Variants in RHPN2 observed in about 807,000 individuals in gnomAD.
The protein encoded by RHPN2 is rhophilin-2.
RHPN2 carries 40 observed loss-of-function variants against 79.0 expected under a neutral mutation model. The observed-to-expected ratio is 0.51, with a 90% CI of 0.39 to 0.66. The LOEUF is 0.66. Among genes scored for constraint, RHPN2 ranks in the 30% least tolerant of loss-of-function variants. RHPN2 has a pLI of 0.00. For missense variants in RHPN2, 686 were observed against 883.5 expected, an observed-to-expected ratio of 0.78 and a Z score of 2.83; for synonymous variants, 285 against 363.5, an observed-to-expected ratio of 0.78 and a Z score of 2.46.
intron 1 of RHPN2, among the ~76,000 whole-genome samples, chr19:33,054,980 G>A (rs1014980840): frequency 2.6e-5 from 4 of 152,092 alleles, no homozygotes; most frequent in Non-Finnish European, 4.4e-5. Flanking sequence ...GCAGACCCTC[G>A]GGGCTGATGG....
intron 1 of RHPN2, among the ~76,000 whole-genome samples, chr19:33,045,480 A>AT (rs1006598288): frequency 4.7e-4 from 67 of 142,874 alleles, no homozygotes; most frequent in African/African-American, 1.1e-3. Context: ...GTGCTATCTG[A>AT]TTTTTTTTTT....
At chr19:33,025,326 A>C (rs2145249227) in intron 3 of RHPN2, among the ~76,000 whole-genome samples, 1 of 150,970 alleles carries the variant, frequency 6.6e-6, no homozygotes, top group African/African-American at 2.4e-5. Flanking sequence ...AAAAAAAAAA[A>C]AAACAATTAG....
chr19:33,023,978 C>T (rs907691133), intron 3 of RHPN2, among the ~76,000 whole-genome samples: 5 of 152,082 alleles, frequency 3.3e-5, no homozygotes, highest in African/African-American at 1.2e-4. Flanking sequence ...CCCTGCTCTT[C>T]GGCATGGCAA....
At chr19:33,023,173 G>A (rs11084695) in intron 3 of RHPN2, among the ~76,000 whole-genome samples, 48,302 of 151,950 alleles carry the variant, frequency 0.32, 8,566 homozygotes, top group African/African-American at 0.46. Context: ...AGTGGCTCAC[G>A]CCCATAATCC....
intron 14 of RHPN2, among the ~76,000 whole-genome samples, chr19:32,980,791 C>T (rs564808501): frequency 1.3e-5 from 2 of 152,198 alleles, no homozygotes; most frequent in Admixed American, 1.3e-4. Flanking sequence ...GTAGCTGGGG[C>T]TCTAGGTGTG....
intron 7 of RHPN2, among the ~76,000 whole-genome samples, chr19:33,003,424 C>T (rs1337716167): frequency 8.3e-6 from 1 of 120,702 alleles, no homozygotes; most frequent in Admixed American, 8.1e-5. Flanking sequence ...TGTCCTACAA[C>T]ATATTAAAAA....
At chr19:33,056,167 C>T (rs1466362571) in intron 1 of RHPN2, among the ~76,000 whole-genome samples, 3 of 138,790 alleles carry the variant, frequency 2.2e-5, no homozygotes, top group Non-Finnish European at 4.5e-5. Context: ...GGCTGGAGTG[C>T]AATGGCGTGA....
intron 10 of RHPN2, among the ~76,000 whole-genome samples, chr19:32,997,406 T>C (rs187308520): frequency 2.1e-3 from 316 of 152,076 alleles, no homozygotes; most frequent in African/African-American, 7.5e-3. Flanking sequence ...GATGAGGTTA[T>C]AGGGAAAAAT....
At chr19:33,036,132 A>T (rs917856285) in intron 2 of RHPN2, among the ~76,000 whole-genome samples, 138 of 149,048 alleles carry the variant, frequency 9.3e-4, no homozygotes, top group African/African-American at 2.4e-3. Flanking sequence ...AAAAAAAATT[A>T]AAAAAAAAGA....
intron 4 of RHPN2, among the ~76,000 whole-genome samples, chr19:33,013,846 CATTTT>C (rs201969040): frequency 0.021 from 3,107 of 144,732 alleles, 49 homozygotes; most frequent in Admixed American, 0.035. Flanking sequence ...GTTATAAAGG[CATTTT>C]ATTTTATTTT....
chr19:33,005,660 T>C (rs1357733399), intron 7 of RHPN2, among the ~76,000 whole-genome samples: 8 of 151,560 alleles, frequency 5.3e-5, no homozygotes, highest in Non-Finnish European at 1.2e-4. Flanking sequence ...CCTGCTGTTT[T>C]GAGCTGCGAG....
intron 6 of RHPN2, among the ~76,000 whole-genome samples, chr19:33,009,115 G>C (rs35786420): frequency 0.24 from 35,674 of 151,760 alleles, 4,318 homozygotes; most frequent in East Asian, 0.37. Flanking sequence ...GGGGGAGGGA[G>C]GGAGGGGGAG....
intron 6 of RHPN2, among the ~76,000 whole-genome samples, chr19:33,009,120 G>C (rs757601891): frequency 2.0e-5 from 3 of 152,022 alleles, no homozygotes; most frequent in African/African-American, 4.8e-5. Context: ...AGGGAGGGAG[G>C]GGGAGCACAA....
intron 2 of RHPN2, among the ~76,000 whole-genome samples, chr19:33,043,141 C>T (rs1972114261): frequency 6.6e-6 from 1 of 150,980 alleles, no homozygotes; most frequent in Non-Finnish European, 1.5e-5. Context: ...ACTCAGTAGG[C>T]TGTTAGGAGG....
chr19:33,001,581 A>AT (rs979667886), intron 9 of RHPN2, among the ~76,000 whole-genome samples: 5 of 151,622 alleles, frequency 3.3e-5, no homozygotes, highest in African/African-American at 9.7e-5. Flanking sequence ...ATCATCACAG[A>AT]TTTTTTTTGC....
intron 1 of RHPN2, among the ~76,000 whole-genome samples, chr19:33,049,802 T>C (rs1343229872): frequency 6.6e-6 from 1 of 152,090 alleles, no homozygotes; most frequent in Non-Finnish European, 1.5e-5. Flanking sequence ...TATGAGCAAC[T>C]TGAGATCCTA....
At chr19:33,053,750 A>G (rs543140760) in intron 1 of RHPN2, among the ~76,000 whole-genome samples, 40 of 151,790 alleles carry the variant, frequency 2.6e-4, no homozygotes, top group Non-Finnish European at 3.4e-4. Flanking sequence ...TTTTTACTAG[A>G]GACGTGGTTT....
intron 7 of RHPN2, among the ~76,000 whole-genome samples, chr19:33,003,951 G>T (rs1971770986): frequency 6.6e-6 from 1 of 152,024 alleles, no homozygotes; most frequent in Admixed American, 6.6e-5. Flanking sequence ...GAGGTGGGAG[G>T]GTTGCTTGAC....
intron 2 of RHPN2, among the ~76,000 whole-genome samples, chr19:33,036,056 G>T (rs1288597923): frequency 6.6e-6 from 1 of 150,722 alleles, no homozygotes; most frequent in Admixed American, 6.6e-5. Flanking sequence ...GGCAGAGCTT[G>T]CAGTGAGCAG....
Sources: gnomAD v4.1 joint callset for allele counts (sites outside exome capture counted in the v4.1 genomes callset) on GRCh38, gnomAD v4.1.1 for gene constraint, MANE v1.5 for transcripts, NCBI Gene and HGNC (gene_info 2026-07-23, HGNC 2026-07-21) for gene names.